Variants in NCKAP5 observed in about 807,000 individuals in gnomAD.
The protein encoded by NCKAP5 is nck-associated protein 5.
Under a neutral mutation model 167.0 loss-of-function variants are expected in NCKAP5, and 92 were observed. The observed-to-expected ratio is 0.55, with a 90% CI of 0.47 to 0.66. NCKAP5 has a LOEUF of 0.66. Ranked by LOEUF, NCKAP5 falls within the 30% of genes least tolerant of loss-of-function variation. NCKAP5 has a pLI of 0.00. For synonymous variants in NCKAP5, 891 were observed against 877.4 expected, an observed-to-expected ratio of 1.02 and a Z score of -0.27; for missense variants, 2,378 against 2,315.0, an observed-to-expected ratio of 1.03 and a Z score of -0.56.
At chr2:133,610,207 G>A in the NCKAP5 span, among the ~76,000 whole-genome samples, 1 of 152,122 alleles carries the variant, frequency 6.6e-6, no homozygotes, top group Non-Finnish European at 1.5e-5. Context: ...TTTCTGTTCA[G>A]AATTATAGCC....
chr2:133,451,225 T>C (rs1691531229), intron 3 of NCKAP5, among the ~76,000 whole-genome samples: 1 of 152,170 alleles, frequency 6.6e-6, no homozygotes, highest in Non-Finnish European at 1.5e-5. Context: ...AAGCCATTCT[T>C]TACTCTGATC....
At chr2:133,548,991 A>AT (rs1274907889) in intron 2 of NCKAP5, among the ~76,000 whole-genome samples, 1 of 151,664 alleles carries the variant, frequency 6.6e-6, no homozygotes, top group East Asian at 1.9e-4. Flanking sequence ...CCCATCTCAC[A>AT]TGCAGAGACA....
chr2:132,682,891 T>C (rs1343223877), intron 19 of NCKAP5, among the ~76,000 whole-genome samples: 1 of 151,530 alleles, frequency 6.6e-6, no homozygotes, highest in Non-Finnish European at 1.5e-5. Flanking sequence ...TTTTTACTTT[T>C]TTTTTTTTTT....
At chr2:133,404,309 T>C (rs1688286636) in intron 3 of NCKAP5, among the ~76,000 whole-genome samples, 1 of 152,204 alleles carries the variant, frequency 6.6e-6, no homozygotes, top group Admixed American at 6.6e-5. Flanking sequence ...AATAAAACTT[T>C]GTTATAGTAG....
At chr2:132,703,724 T>C (rs1195570811) in intron 19 of NCKAP5, among the ~76,000 whole-genome samples, 1 of 152,220 alleles carries the variant, frequency 6.6e-6, no homozygotes, top group Non-Finnish European at 1.5e-5. Context: ...CAAACATTTA[T>C]AATGCACTTA....
chr2:133,241,974 T>C (rs2087727322), intron 4 of NCKAP5, among the ~76,000 whole-genome samples: 1 of 151,698 alleles, frequency 6.6e-6, no homozygotes, highest in African/African-American at 2.4e-5. Context: ...AAAAATTAGC[T>C]GGGCATGGTG....
At chr2:133,432,529 G>GC (rs1690226496) in intron 3 of NCKAP5, among the ~76,000 whole-genome samples, 1 of 152,136 alleles carries the variant, frequency 6.6e-6, no homozygotes, top group South Asian at 2.1e-4. Flanking sequence ...TCTATCCTGA[G>GC]CACTGATGGA....
In NCKAP5 at chr2:132,768,507, C is replaced by T. The variant is rs562163763; in HGVS notation, c.5128+5309G>A. On this transcript the variant is annotated intron_variant, in intron 16 of 19. Transcript: ENST00000409261. ...CGTTGGTGTTAATACTTCTATTAAG[C>T]TAGGCTAGCCATTTGCTTTGTTTAG... 2.6e-5 allele frequency among the ~76,000 whole-genome samples: 4 copies of T among 152,210 alleles called. No homozygotes were observed. The South Asian group carries it at 8.3e-4, about 32-fold the overall frequency.
At chr2:132,845,479 A>G (rs1178401273) in intron 11 of NCKAP5, among the ~76,000 whole-genome samples, 1 of 152,174 alleles carries the variant, frequency 6.6e-6, no homozygotes, top group East Asian at 1.9e-4. Context: ...TATGTGAGAT[A>G]GGGCTCCAAT....
intron 2 of NCKAP5, among the ~76,000 whole-genome samples, chr2:133,522,175 T>A (rs1276727096): frequency 6.6e-6 from 1 of 152,164 alleles, no homozygotes; most frequent in Non-Finnish European, 1.5e-5. Flanking sequence ...CAGAACAGCA[T>A]CAACAGCAGG....
chr2:132,854,958 A>C (rs1397086065), intron 11 of NCKAP5, among the ~76,000 whole-genome samples: 1 of 152,174 alleles, frequency 6.6e-6, no homozygotes, highest in Non-Finnish European at 1.5e-5. Context: ...TGTGTCAGGA[A>C]AAAAAGAAAA....
the NCKAP5 span, among the ~76,000 whole-genome samples, chr2:133,577,479 G>C: frequency 6.6e-6 from 1 of 151,980 alleles, no homozygotes; most frequent in African/African-American, 2.4e-5. Flanking sequence ...GTTCTCAGCA[G>C]TTTGTTCTCT....
At chr2:133,112,471 C>T (rs2081949232) in intron 6 of NCKAP5, among the ~76,000 whole-genome samples, 1 of 139,286 alleles carries the variant, frequency 7.2e-6, no homozygotes, top group African/African-American at 2.8e-5. Context: ...AAGACTCCGT[C>T]TTAAAAAAAA....
chr2:133,103,221 CTA>C (rs1405673703), intron 6 of NCKAP5, among the ~76,000 whole-genome samples: 1 of 152,024 alleles, frequency 6.6e-6, no homozygotes, highest in Non-Finnish European at 1.5e-5. Context: ...TTCTACTATT[CTA>C]TGTTTGACTA....
chr2:133,479,060 TG>T (rs2151307447), intron 3 of NCKAP5, among the ~76,000 whole-genome samples: 1 of 152,332 alleles, frequency 6.6e-6, no homozygotes, highest in South Asian at 2.1e-4. Context: ...ATATCATTAA[TG>T]GATATGCCCC....
In NCKAP5 at chr2:133,550,728, G is replaced by C. The variant is rs529632408; in HGVS notation, c.-62+8322C>G. The stretch of plus-strand genomic sequence containing the variant: ...TCTCTCACCACTCCTATTCAACATA[G>C]TGTTGGAAGTTCTGGCCAGGGCAAT... On this transcript the variant is annotated intron_variant, in intron 2 of 19. Transcript: ENST00000409261. Among the ~76,000 whole-genome samples, 968 of 130,418 alleles carry C rather than the reference G, an allele frequency of 7.4e-3. 10 individuals are homozygous for C. Among genetic ancestry groups the C allele is most frequent in the African/African-American group, 0.026 (890 of 33,900 alleles). The allele number at this position is 130,418 out of a possible 152,430, so 85.6% of individuals were successfully genotyped here. A position where few individuals can be genotyped will look rare whatever the true frequency, so the allele number is the denominator to read the frequency against.
upstream of NCKAP5, among the ~76,000 whole-genome samples, chr2:133,571,766 C>T (rs1688875104): frequency 6.6e-6 from 1 of 152,200 alleles, no homozygotes; most frequent in Non-Finnish European, 1.5e-5. Flanking sequence ...ACCATGATCA[C>T]AGGCACAGTT....
rs570458558 is a variant in NCKAP5, at chr2:132,736,033, A to G, written c.5129-3982T>C. ...TTCTTGAGTTCTCTGATTCCCAGAGAATTGCATGCCCTGACATTAAACTCA... is the reference window on the plus strand; with the variant it reads ...TTCTTGAGTTCTCTGATTCCCAGAGGATTGCATGCCCTGACATTAAACTCA... On this transcript the variant is annotated intron_variant, in intron 16 of 19. Transcript: ENST00000409261. 2.0e-4 allele frequency among the ~76,000 whole-genome samples: 30 copies of G among 152,296 alleles called. No individual in the cohort carries two copies. The South Asian group carries it at 5.2e-3, about 26-fold the overall frequency.
intron 3 of NCKAP5, among the ~76,000 whole-genome samples, chr2:133,362,073 C>A (rs771984291): frequency 1.3e-5 from 2 of 151,736 alleles, no homozygotes; most frequent in African/African-American, 4.8e-5. Context: ...CTGATGACAT[C>A]TATAGGGAGT....
Sources: gnomAD v4.1 joint callset for allele counts (sites outside exome capture counted in the v4.1 genomes callset) on GRCh38, gnomAD v4.1.1 for gene constraint, MANE v1.5 for transcripts, NCBI Gene and HGNC (gene_info 2026-07-23, HGNC 2026-07-21) for gene names.